The following ACOT12 variants were observed in gnomAD, a reference collection of about 807,000 sequenced individuals.
ACOT12 encodes the protein acetyl-coenzyme A thioesterase.
A neutral mutation model predicts 67.7 loss-of-function variants in ACOT12; 51 were observed. The observed-to-expected ratio is 0.75, with a 90% CI of 0.60 to 0.95. The LOEUF is 0.95. ACOT12 is among the 40% of genes least tolerant of loss of function. ACOT12 has a pLI of 0.00. For missense variants in ACOT12, 734 were observed against 708.1 expected, an observed-to-expected ratio of 1.04 and a Z score of -0.41; for synonymous variants, 251 against 244.6, an observed-to-expected ratio of 1.03 and a Z score of -0.24.
intron 3 of ACOT12, among the ~76,000 whole-genome samples, chr5:81,369,654 A>G (rs1308124687): frequency 6.6e-6 from 1 of 152,180 alleles, no homozygotes; most frequent in Non-Finnish European, 1.5e-5. Flanking sequence ...CAGCATCAGA[A>G]ATCTGTGGTT....
At chr5:81,363,005 A>T (rs1759965319) in intron 4 of ACOT12, among the ~76,000 whole-genome samples, 1 of 152,148 alleles carries the variant, frequency 6.6e-6, no homozygotes, top group Non-Finnish European at 1.5e-5. Context: ...GGAGCTTGAG[A>T]CCAACCTGAC....
chr5:81,364,813 G>GT (rs1336057458), intron 3 of ACOT12, among the ~76,000 whole-genome samples: 7 of 152,120 alleles, frequency 4.6e-5, no homozygotes, highest in African/African-American at 1.7e-4. Flanking sequence ...CAAGATATTG[G>GT]TGTCTGCCTT....
the ACOT12 span, among the ~76,000 whole-genome samples, chr5:81,323,289 G>A: frequency 1.4e-3 from 216 of 152,184 alleles, 1 homozygote; most frequent in African/African-American, 5.0e-3. Context: ...GATCTAGGCT[G>A]GGCATACCTA....
chr5:81,370,416 T>C (rs897493459), intron 3 of ACOT12, among the ~76,000 whole-genome samples: 1 of 152,314 alleles, frequency 6.6e-6, no homozygotes, highest in Non-Finnish European at 1.5e-5. Flanking sequence ...CCCAGTACCT[T>C]AGAATGTAAA....
chr5:81,355,315 TTCG>T (rs1479109429), intron 5 of ACOT12, among the ~76,000 whole-genome samples: 1 of 152,256 alleles, frequency 6.6e-6, no homozygotes, highest in Non-Finnish European at 1.5e-5. Flanking sequence ...TTTACCTTGC[TTCG>T]GCAAGCTGAG....
intron 2 of ACOT12, among the ~76,000 whole-genome samples, chr5:81,382,758 C>A (rs969264324): frequency 1.3e-5 from 2 of 151,280 alleles, no homozygotes; most frequent in African/African-American, 4.9e-5. Context: ...GCTGAGATTG[C>A]GCCATCGCAC....
Position 81,358,798 on chromosome 5 carries a change from G to A in ACOT12, c.496+1105C>T, listed in dbSNP as rs180893713. Among the ~76,000 whole-genome samples the A allele has an allele frequency of 9.2e-3, 1,398 of 151,872 alleles. 9 individuals carry two copies. The highest frequency in any genetic ancestry group is 0.041 in the Middle Eastern group (12 of 294). ...TGGGAGGCATAGGTTGCAGTGAGCCGAGTTTGCACCATTGCACTCCAGCCT... is the reference window on the plus strand; with the variant it reads ...TGGGAGGCATAGGTTGCAGTGAGCCAAGTTTGCACCATTGCACTCCAGCCT... On this transcript the variant is annotated intron_variant, in intron 5 of 14. Transcript: ENST00000307624.
chr5:81,319,715 CAAAAA>C, the ACOT12 span, among the ~76,000 whole-genome samples: 1 of 117,160 alleles, frequency 8.5e-6, no homozygotes, highest in Non-Finnish European at 1.8e-5. Flanking sequence ...GAAACTGTCT[CAAAAA>C]AAAAAAAAAA....
the ACOT12 span, chr5:81,309,043 G>A: frequency 1.3e-6 from 2 of 1,595,554 alleles, no homozygotes; most frequent in Non-Finnish European, 1.7e-6. Context: ...CTGATGGTAA[G>A]TACTGTTACC....
chr5:81,310,249 A>AT, the ACOT12 span, among the ~76,000 whole-genome samples: 1 of 149,966 alleles, frequency 6.7e-6, no homozygotes, highest in Non-Finnish European at 1.5e-5. Flanking sequence ...GTGTGCCTTG[A>AT]TTTTATACCT....
In ACOT12 at chr5:81,342,775, T is replaced by A. The variant is rs1759240211; in HGVS notation, c.1045-20A>T. 6.2e-7 allele frequency: 1 copy of A among 1,610,990 alleles called. No individual in the cohort carries two copies. On this transcript the variant is annotated intron_variant, in intron 10 of 14. Coordinates refer to ENST00000307624, the MANE Select transcript of ACOT12 (RefSeq NM_130767.3). Reference sequence around the variant, plus strand: ...GGATGCCTAGAATAGAAATATTATATTTTTAAAGCTATGTGTTCAATACAT... The same window carrying A: ...GGATGCCTAGAATAGAAATATTATAATTTTAAAGCTATGTGTTCAATACAT...
the ACOT12 span, among the ~76,000 whole-genome samples, chr5:81,323,131 A>C: frequency 1.3e-5 from 2 of 152,142 alleles, no homozygotes; most frequent in Non-Finnish European, 2.9e-5. Context: ...GCTGGAAAAG[A>C]ATGAAGGAAC....
chr5:81,371,622 A>T (rs1760256554), intron 3 of ACOT12, 128 bp downstream of exon 3: 1 of 916,400 alleles, frequency 1.1e-6, no homozygotes, highest in Non-Finnish European at 1.7e-6. Context: ...CTGACTACAC[A>T]TTCCAGAGCC....
chr5:81,388,165 T>C (rs910975158), intron 1 of ACOT12, among the ~76,000 whole-genome samples: 35 of 152,084 alleles, frequency 2.3e-4, no homozygotes, highest in Admixed American at 6.5e-4. Flanking sequence ...ATAGAAGCAA[T>C]AGGAACTTTC....
At chr5:81,309,229 C>G in the ACOT12 span, 1 of 452,470 alleles carries the variant, frequency 2.2e-6, no homozygotes, top group South Asian at 5.3e-5. Context: ...GTTAATAAAA[C>G]AAATCAGAAA....
the ACOT12 span, among the ~76,000 whole-genome samples, chr5:81,314,726 G>A: frequency 6.6e-6 from 1 of 152,188 alleles, no homozygotes; most frequent in Non-Finnish European, 1.5e-5. Flanking sequence ...GCATTATAAT[G>A]GGGCTGAATA....
At chr5:81,386,219 C>T (rs1000220549) in intron 1 of ACOT12, among the ~76,000 whole-genome samples, 3 of 152,172 alleles carry the variant, frequency 2.0e-5, no homozygotes, top group Admixed American at 6.5e-5. Context: ...GCCCACATAA[C>T]CAGTAGCAGA....
intron 13 of ACOT12, 72 bp from the exon 14 acceptor site, chr5:81,331,012 A>G: frequency 6.8e-7 from 1 of 1,459,972 alleles, no homozygotes; most frequent in Non-Finnish European, 9.1e-7. Flanking sequence ...CCCTATAGTT[A>G]ACCCAATTTA....
At chr5:81,312,544 A>C in the ACOT12 span, 293 of 1,611,422 alleles carry the variant, frequency 1.8e-4, no homozygotes, top group African/African-American at 3.4e-3. Context: ...TCCTTTACAG[A>C]GCGAATGGTC....
Sources: gnomAD v4.1 joint callset for allele counts (sites outside exome capture counted in the v4.1 genomes callset) on GRCh38, gnomAD v4.1.1 for gene constraint, MANE v1.5 for transcripts, NCBI Gene and HGNC (gene_info 2026-07-23, HGNC 2026-07-21) for gene names.